DYNC2H1: variants seen among roughly 807,000 people sequenced by gnomAD.
DYNC2H1 encodes cytoplasmic dynein 2 heavy chain 1.
DYNC2H1 carries 410 observed loss-of-function variants against 570.0 expected under a neutral mutation model. That is an observed-to-expected ratio of 0.72 (90% CI 0.66 to 0.78). The LOEUF (loss-of-function observed/expected upper bound fraction) is 0.78, where lower values mean the gene tolerates loss of function less well. DYNC2H1 is among the 30% of genes least tolerant of loss of function. The pLI is 0.00. For synonymous variants in DYNC2H1, 1,688 were observed against 1,677.6 expected, an observed-to-expected ratio of 1.01 and a Z score of -0.15; for missense variants, 4,865 against 5,046.4, an observed-to-expected ratio of 0.96 and a Z score of 1.09.
intron 31 of DYNC2H1, among the ~76,000 whole-genome samples, chr11:103,167,253 G>A (rs918207230): frequency 6.0e-5 from 9 of 151,026 alleles, no homozygotes; most frequent in Admixed American, 1.3e-4. Flanking sequence ...TTTTATAATA[G>A]GGCTTTAAAG....
At chr11:103,225,001 A>G (rs1197326541) in intron 59 of DYNC2H1, among the ~76,000 whole-genome samples, 2 of 152,094 alleles carry the variant, frequency 1.3e-5, no homozygotes, top group Non-Finnish European at 2.9e-5. Context: ...CTGATAATTA[A>G]TGATGTTGAG....
chr11:103,219,083 G>T (rs1863488035), intron 55 of DYNC2H1, among the ~76,000 whole-genome samples: 1 of 152,172 alleles, frequency 6.6e-6, no homozygotes, highest in Admixed American at 6.5e-5. Context: ...GTTTTATTAT[G>T]ATTGTTTAAG....
At chr11:103,431,344 A>G (rs1565594008) in intron 84 of DYNC2H1, among the ~76,000 whole-genome samples, 1 of 152,082 alleles carries the variant, frequency 6.6e-6, no homozygotes, top group Non-Finnish European at 1.5e-5. Flanking sequence ...TTTAATATGT[A>G]TAAATCATTA....
chr11:103,298,461 C>T (rs531293946), intron 75 of DYNC2H1, among the ~76,000 whole-genome samples: 20 of 152,136 alleles, frequency 1.3e-4, no homozygotes, highest in African/African-American at 4.8e-4. Context: ...ACTATTTCAT[C>T]TCCAGGTCAA....
chr11:103,390,399 A>G (rs7924386), intron 83 of DYNC2H1, among the ~76,000 whole-genome samples: 99,082 of 148,432 alleles, frequency 0.67, 33,277 homozygotes, highest in Admixed American at 0.72. Flanking sequence ...GTCTCTGCAC[A>G]TGAGATGGGT....
chr11:103,147,653 A>G, intron 18 of DYNC2H1, 119 bp from the exon 19 acceptor site: 1 of 634,886 alleles, frequency 1.6e-6, no homozygotes, highest in South Asian at 2.2e-5. Flanking sequence ...AAAGATCACC[A>G]TATTACTGCT....
intron 87 of DYNC2H1, among the ~76,000 whole-genome samples, chr11:103,459,017 T>G (rs1363668114): frequency 1.3e-5 from 2 of 151,876 alleles, no homozygotes; most frequent in South Asian, 2.1e-4. Flanking sequence ...ACTAACTTAT[T>G]AGAAATTCCA....
At position 103,187,388 on chromosome 11, in the gene DYNC2H1, T is replaced by C; in HGVS notation, c.6942T>C (p.Ala2314=). Reference sequence around the variant, plus strand: ...CACAACTCCGGTCCACTCAAATTGCTACAGTTCACTGTAGTGCACAAACCA... The same window carrying C: ...CACAACTCCGGTCCACTCAAATTGCCACAGTTCACTGTAGTGCACAAACCA... ...AFSQLRSTQI[A]TVHCSAQTTS... is the part of the protein sequence containing the mutation. The change falls in exon 43 of 89, where the codon GCT becomes GCC. Residue 2314 remains alanine, a synonymous_variant. Coordinates refer to ENST00000375735, the MANE Select transcript of DYNC2H1 (RefSeq NM_001377.3). The C allele has an allele frequency of 6.2e-7, 1 of 1,613,198 alleles. No individual in the cohort carries two copies. The highest frequency in any genetic ancestry group is 8.5e-7 in the Non-Finnish European group (1 of 1,179,388).
rs1010527905 is a variant in DYNC2H1, at chr11:103,393,566, C to A, written c.12157-6097C>A. ...TATTAAAATGGCAAAATCACAATTACTTTTGCACCAACTTTATTTCAAACA... is the reference window on the plus strand; with the variant it reads ...TATTAAAATGGCAAAATCACAATTAATTTTGCACCAACTTTATTTCAAACA... On this transcript the variant is annotated intron_variant, in intron 83 of 88. Coordinates refer to ENST00000375735, the MANE Select transcript of DYNC2H1 (RefSeq NM_001377.3). Among the ~76,000 whole-genome samples, 6 of 152,282 alleles carry A rather than the reference C, an allele frequency of 3.9e-5. No individual in the cohort carries two copies. In the East Asian group the frequency reaches 1.2e-3, roughly 29 times the overall value.
rs927173919 is a variant in DYNC2H1, at chr11:103,241,996, C to T, written c.9820-1697C>T. On this transcript the variant is annotated intron_variant, in intron 63 of 88. Transcript: ENST00000375735. This position sits in a 1 kb window ranked among gnomAD's most constrained non-coding sequence, Gnocchi z 5.1. ...CAGATAATTCCCACTATCTCCCTCC[C>T]TCTTGGTGTGCCACTGAGATAACCT... is the stretch of plus-strand genomic sequence containing the variant. 3.9e-5 allele frequency among the ~76,000 whole-genome samples: 6 copies of T among 152,028 alleles called. No individual in the cohort carries two copies. The highest frequency in any genetic ancestry group is 7.4e-5 in the Non-Finnish European group (5 of 68,014).
chr11:103,128,628 C>T (rs956264245), intron 12 of DYNC2H1, among the ~76,000 whole-genome samples: 2 of 152,128 alleles, frequency 1.3e-5, no homozygotes, highest in Non-Finnish European at 1.5e-5. Context: ...TCAGTGAGTT[C>T]CTTCTTTCCT....
At chr11:103,406,764 A>G (rs1046149481) in intron 84 of DYNC2H1, 3 of 151,862 alleles carry the variant, frequency 2.0e-5, no homozygotes, top group African/African-American at 7.3e-5. Flanking sequence ...ACCACCCACC[A>G]TAATGGATAA....
rs935213004 is a variant in DYNC2H1 at position 103,325,131 on chromosome 11, G to C, written c.12039+1141G>C. On this transcript the variant is annotated intron_variant, in intron 82 of 88. Transcript: ENST00000375735. The surrounding 1 kb of genome is among the most constrained non-coding windows in gnomAD (Gnocchi z 4.8). ...ACATTGGACCTTTGTTGAGTACTTA[G>C]TTTGCAAACATTTTCTCCTATTCTG... 2.0e-5 allele frequency among the ~76,000 whole-genome samples: 3 copies of C among 152,070 alleles called. No homozygotes were observed. Among genetic ancestry groups the C allele is most frequent in the Non-Finnish European group, 2.9e-5 (2 of 68,000 alleles).
At chr11:103,290,092 C>A (rs1458799840) in intron 75 of DYNC2H1, among the ~76,000 whole-genome samples, 2 of 152,050 alleles carry the variant, frequency 1.3e-5, no homozygotes, top group Non-Finnish European at 2.9e-5. Context: ...CCAGTATGAC[C>A]TCATTTGAAG....
Position 103,163,264 on chromosome 11 carries a change from C to A in DYNC2H1, c.4611+117C>A. 8.2e-7 allele frequency: 1 copy of A among 1,224,474 alleles called. No individual in the cohort carries two copies. Among genetic ancestry groups the A allele is most frequent in the Non-Finnish European group, 1.1e-6 (1 of 916,752 alleles). The allele number at this position is 1,224,474 out of a possible 1,614,324, so 75.9% of individuals were successfully genotyped here. On this transcript the variant is annotated intron_variant, in intron 30 of 88. Transcript: ENST00000375735. The surrounding 1 kb of genome is among the most constrained non-coding windows in gnomAD (Gnocchi z 4.6). The stretch of plus-strand genomic sequence containing the variant: ...TTTTCTCCCTTTATCTAACAGTTAA[C>A]GGACAAATTGCTTAACTTCTGAGTC...
At chr11:103,214,375 C>A (rs1156333046) in intron 54 of DYNC2H1, among the ~76,000 whole-genome samples, 1 of 151,226 alleles carries the variant, frequency 6.6e-6, no homozygotes, top group South Asian at 2.1e-4. Flanking sequence ...AGTATTTTCA[C>A]AGATATTACA....
Position 103,241,500 on chromosome 11 carries a change from TTTC to T in DYNC2H1, c.9820-2187_9820-2185del. 2.5e-6 allele frequency: 4 copies of T among 1,590,350 alleles called. No homozygotes were observed. Among genetic ancestry groups the T allele is most frequent in the South Asian group, 1.1e-5 (1 of 89,612 alleles). ...GCTAAAAACATTTTGAAATGTTACC[TTTC>T]TTCTTTTCATTTAACTGCATCAGAT... On this transcript the variant is annotated intron_variant, in intron 63 of 88. Coordinates refer to ENST00000375735, the MANE Select transcript of DYNC2H1 (RefSeq NM_001377.3). The surrounding 1 kb of genome is among the most constrained non-coding windows in gnomAD (Gnocchi z 5.1).
Position 103,170,132 on chromosome 11 carries a change from A to C in DYNC2H1, c.4993A>C (p.Thr1665Pro). The C allele has an allele frequency of 6.2e-7, 1 of 1,612,624 alleles. No individual in the cohort carries two copies. Among genetic ancestry groups the C allele is most frequent in the Non-Finnish European group, 8.5e-7 (1 of 1,179,226 alleles). ...YQGNASKLVY[T>P]PLTDKCYLTL... ...GGGTAATGCTTCCAAACTGGTTTATACTCCACTGACAGACAAGTGCTACTT... is the reference window on the plus strand; with the variant it reads ...GGGTAATGCTTCCAAACTGGTTTATCCTCCACTGACAGACAAGTGCTACTT... The change falls in exon 33 of 89, where the codon ACT becomes CCT. Residue 1665 changes from threonine to proline, a missense_variant. Thr to Pro is a conservative substitution (Grantham distance 38). Coordinates refer to ENST00000375735, the MANE Select transcript of DYNC2H1 (RefSeq NM_001377.3). The surrounding 1 kb of genome is among the most constrained non-coding windows in gnomAD (Gnocchi z 4.8).
At chr11:103,327,604 A>T (rs1381841734) in intron 82 of DYNC2H1, among the ~76,000 whole-genome samples, 3 of 152,182 alleles carry the variant, frequency 2.0e-5, no homozygotes, top group Non-Finnish European at 4.4e-5. Context: ...AGTTTGGATC[A>T]ATTATCTAAT....
Sources: gnomAD v4.1 joint callset for allele counts (sites outside exome capture counted in the v4.1 genomes callset) on GRCh38, gnomAD v4.1.1 for gene constraint, Gnocchi (gnomAD v3.1) non-coding constraint, MANE v1.5 for transcripts, NCBI Gene and HGNC (gene_info 2026-07-23, HGNC 2026-07-21) for gene names.